Variants in PCDHGA5 observed in about 807,000 individuals in gnomAD.
PCDHGA5 encodes the protein protocadherin gamma-A5.
A neutral mutation model predicts 56.7 loss-of-function variants in PCDHGA5; 36 were observed. That is an observed-to-expected ratio of 0.64 (90% CI 0.49 to 0.84). The LOEUF is 0.84. Ranked by LOEUF, PCDHGA5 falls within the 40% of genes least tolerant of loss-of-function variation. The pLI, the probability that PCDHGA5 is intolerant of heterozygous loss-of-function variation, is 0.00. For missense variants in PCDHGA5, 1,305 were observed against 1,201.5 expected, an observed-to-expected ratio of 1.09 and a Z score of -1.27; for synonymous variants, 563 against 520.2, an observed-to-expected ratio of 1.08 and a Z score of -1.12.
At chr5:141,402,870 C>G in intron 1 of PCDHGA5, 1 of 1,449,300 alleles carries the variant, frequency 6.9e-7, no homozygotes, top group Non-Finnish European at 9.1e-7. Flanking sequence ...AAAAGATCAC[C>G]ATACTTTGCA....
At chr5:141,498,231 A>T (rs1213697084) in intron 2 of PCDHGA5, among the ~76,000 whole-genome samples, 1 of 152,268 alleles carries the variant, frequency 6.6e-6, no homozygotes, top group East Asian at 1.9e-4. Flanking sequence ...ATGGTCAGGC[A>T]TACCAGCTTC....
In PCDHGA5 at chr5:141,485,935, C is replaced by T. The variant is rs2099621642; in HGVS notation, c.2422-8872C>T. The T allele has an allele frequency of 6.2e-7, 1 of 1,614,026 alleles. No homozygotes were observed. Among genetic ancestry groups the T allele is most frequent in the Non-Finnish European group, 8.5e-7 (1 of 1,180,038 alleles). On this transcript the variant is annotated intron_variant, in intron 1 of 3. Coordinates refer to ENST00000518069, the MANE Select transcript of PCDHGA5 (RefSeq NM_018918.3). The surrounding 1 kb of genome is among the most constrained non-coding windows in gnomAD (Gnocchi z 5.7). Reference sequence around the variant, plus strand: ...GCTACAGGATTAGTGTGTTGGAGAGCGCACCAGCGGGCATGGTGCTCATCC... The same window carrying T: ...GCTACAGGATTAGTGTGTTGGAGAGTGCACCAGCGGGCATGGTGCTCATCC...
rs1427881816 is a variant in PCDHGA5 at position 141,486,740 on chromosome 5, T to C, written c.2422-8067T>C. ...AGGAGCTGTTCATGCTACTCGATCC[T>C]TTGACTATGAGCAAACCCAGACACT... On this transcript the variant is annotated intron_variant, in intron 1 of 3. Coordinates refer to ENST00000518069, the MANE Select transcript of PCDHGA5 (RefSeq NM_018918.3). The surrounding 1 kb of genome is among the most constrained non-coding windows in gnomAD (Gnocchi z 5.0). 6.2e-7 allele frequency: 1 copy of C among 1,614,234 alleles called. No homozygotes were observed. Among genetic ancestry groups the C allele is most frequent in the Admixed American group, 1.7e-5 (1 of 60,026 alleles).
At chr5:141,506,240 G>A (rs918820495) in intron 3 of PCDHGA5, among the ~76,000 whole-genome samples, 8 of 152,184 alleles carry the variant, frequency 5.3e-5, no homozygotes, top group Middle Eastern at 3.4e-3. Flanking sequence ...CATGAGGTCA[G>A]GAGTTCGAAA....
At chr5:141,394,688 G>A (rs770742323) in intron 1 of PCDHGA5, 3 of 1,611,882 alleles carry the variant, frequency 1.9e-6, no homozygotes, top group Middle Eastern at 1.7e-4. Flanking sequence ...ACACGGGCGA[G>A]GTGCGCACGG....
chr5:141,436,207 A>G (rs544201723), intron 1 of PCDHGA5, among the ~76,000 whole-genome samples: 67 of 152,260 alleles, frequency 4.4e-4, no homozygotes, highest in Non-Finnish European at 7.9e-4. Flanking sequence ...ACATAATAGG[A>G]AAACAAATGA....
At position 141,415,772 on chromosome 5, in the gene PCDHGA5, T is replaced by A. The variant is rs540545854; in HGVS notation, c.2421+49021T>A. On this transcript the variant is annotated intron_variant, in intron 1 of 3. Coordinates refer to ENST00000518069, the MANE Select transcript of PCDHGA5 (RefSeq NM_018918.3). ...TTTTTTTTTTTTTTTTTTTTTTTTT[T>A]ACTTTCTGGTAAAATTCACCTAGTC... is the stretch of plus-strand genomic sequence containing the variant. 5,409 of 1,336,512 alleles carry A rather than the reference T, an allele frequency of 4.0e-3. 27 individuals carry two copies. The highest frequency in any genetic ancestry group is 7.3e-3 in the Admixed American group (200 of 27,462). 82.8% of individuals were successfully genotyped at this position (1,336,512 alleles called of 1,614,324 possible).
chr5:141,413,045 G>A, intron 1 of PCDHGA5: 1 of 894,362 alleles, frequency 1.1e-6, no homozygotes, highest in South Asian at 1.9e-5. Flanking sequence ...CTGGGCTGCA[G>A]GGAAGCTCAC....
intron 1 of PCDHGA5, chr5:141,427,729 A>G (rs1176707357): frequency 8.5e-7 from 1 of 1,170,166 alleles, no homozygotes; most frequent in African/African-American, 1.5e-5. Context: ...CTAGGGCTGA[A>G]TGGCCAAGTC....
In PCDHGA5 at chr5:141,489,117, T is replaced by A; in HGVS notation, c.2422-5690T>A. On this transcript the variant is annotated intron_variant, in intron 1 of 3. Coordinates refer to ENST00000518069, the MANE Select transcript of PCDHGA5 (RefSeq NM_018918.3). The surrounding 1 kb of genome is among the most constrained non-coding windows in gnomAD (Gnocchi z 4.5). ...AAGAACTGCTGCAAGCAGGCAAACCTCCGAGCAGTTTTTAAGAGGCTGGAA... is the reference window on the plus strand; with the variant it reads ...AAGAACTGCTGCAAGCAGGCAAACCACCGAGCAGTTTTTAAGAGGCTGGAA... The A allele has an allele frequency of 1.4e-5, 5 of 370,102 alleles. No homozygotes were observed. The highest frequency in any genetic ancestry group is 2.3e-5 in the Non-Finnish European group (5 of 214,436). 22.9% of individuals were successfully genotyped at this position (370,102 alleles called of 1,614,324 possible).
intron 1 of PCDHGA5, among the ~76,000 whole-genome samples, chr5:141,471,855 G>A (rs955016680): frequency 3.3e-5 from 5 of 152,108 alleles, no homozygotes; most frequent in Non-Finnish European, 7.4e-5. Context: ...TTCAGAAAAA[G>A]CAAAACTGTG....
chr5:141,452,791 C>T (rs1202677389), intron 1 of PCDHGA5, among the ~76,000 whole-genome samples: 2 of 152,156 alleles, frequency 1.3e-5, no homozygotes, highest in Non-Finnish European at 2.9e-5. Context: ...AACATACCAT[C>T]ATTTTTGCTG....
At chr5:141,499,689 CTTT>C (rs545067566) in intron 2 of PCDHGA5, among the ~76,000 whole-genome samples, 2 of 119,848 alleles carry the variant, frequency 1.7e-5, no homozygotes, top group African/African-American at 3.1e-5. Context: ...TAACAGATGA[CTTT>C]TTTTTTTTTT....
chr5:141,394,076 A>C (rs1329419086), intron 1 of PCDHGA5: 1 of 1,613,896 alleles, frequency 6.2e-7, no homozygotes, highest in Admixed American at 1.7e-5. Flanking sequence ...ACAATATCAC[A>C]GTGATGGCCT....
intron 1 of PCDHGA5, chr5:141,398,805 T>C: frequency 1.2e-6 from 2 of 1,613,964 alleles, no homozygotes; most frequent in Non-Finnish European, 1.7e-6. Flanking sequence ...GCGGCACCAC[T>C]GAGCTCCGGA....
At chr5:141,494,183 G>A (rs971032835) in intron 1 of PCDHGA5, among the ~76,000 whole-genome samples, 2 of 152,146 alleles carry the variant, frequency 1.3e-5, no homozygotes, top group Non-Finnish European at 2.9e-5. Context: ...GAAGTGTCCC[G>A]GGACTTGGAT....
At chr5:141,393,886 A>G (rs944974638) in intron 1 of PCDHGA5, 3 of 1,614,034 alleles carry the variant, frequency 1.9e-6, no homozygotes, top group Admixed American at 1.7e-5. Context: ...CCAGTGTTAG[A>G]AAATTCTCTT....
At chr5:141,448,069 T>C (rs1184496754) in intron 1 of PCDHGA5, among the ~76,000 whole-genome samples, 1 of 151,202 alleles carries the variant, frequency 6.6e-6, no homozygotes, top group Non-Finnish European at 1.5e-5. Context: ...CTGGGCAACA[T>C]GAACGAAATG....
At chr5:141,392,816 G>C (rs1442012424) in intron 1 of PCDHGA5, 3 of 1,587,594 alleles carry the variant, frequency 1.9e-6, no homozygotes, top group Admixed American at 3.6e-5. Context: ...AAACAACAAT[G>C]GCCGCTCCAC....
Sources: gnomAD v4.1 joint callset for allele counts (sites outside exome capture counted in the v4.1 genomes callset) on GRCh38, gnomAD v4.1.1 for gene constraint, Gnocchi (gnomAD v3.1) non-coding constraint, MANE v1.5 for transcripts, NCBI Gene and HGNC (gene_info 2026-07-23, HGNC 2026-07-21) for gene names.